MYO3A: variants seen among roughly 807,000 people sequenced by gnomAD.
MYO3A encodes myosin-IIIa.
Under a neutral mutation model 192.7 loss-of-function variants are expected in MYO3A, and 180 were observed. That is an observed-to-expected ratio of 0.93 (90% CI 0.83 to 1.06). The LOEUF is 1.06. Among genes scored for constraint, MYO3A ranks in the 50% least tolerant of loss-of-function variants. The pLI, the probability that MYO3A is intolerant of heterozygous loss-of-function variation, is 0.00. For synonymous variants in MYO3A, 628 were observed against 645.3 expected (o/e 0.97, Z 0.41); for missense variants, 1,896 against 1,905.0 (o/e 1.00, Z 0.09).
At chr10:26,123,383 A>T (rs1034232506) in intron 18 of MYO3A, among the ~76,000 whole-genome samples, 15 of 152,256 alleles carry the variant, frequency 9.9e-5, no homozygotes, top group Non-Finnish European at 1.8e-4. Context: ...GAACATATCA[A>T]TGAAAATATT....
chr10:25,969,870 T>C (rs1388373526), intron 4 of MYO3A, among the ~76,000 whole-genome samples: 4 of 152,120 alleles, frequency 2.6e-5, no homozygotes, highest in Non-Finnish European at 4.4e-5. Flanking sequence ...AGCTGTACAA[T>C]GAAAACATTC....
intron 4 of MYO3A, among the ~76,000 whole-genome samples, chr10:25,992,106 G>A (rs1179001034): frequency 1.3e-5 from 2 of 151,058 alleles, no homozygotes; most frequent in Non-Finnish European, 2.9e-5. Flanking sequence ...ACCTTGGGCA[G>A]TATGGCCATT....
At chr10:26,063,019 A>G (rs1448313293) in intron 10 of MYO3A, among the ~76,000 whole-genome samples, 1 of 152,202 alleles carries the variant, frequency 6.6e-6, no homozygotes, top group East Asian at 1.9e-4. Flanking sequence ...ACATTTTTGG[A>G]CGACTGCTAT....
chr10:25,962,471 C>T (rs7914207), intron 4 of MYO3A, among the ~76,000 whole-genome samples: 12,367 of 152,030 alleles, frequency 0.081, 824 homozygotes, highest in African/African-American at 0.17. Context: ...AGAACATCTA[C>T]GGGGAGTTTT....
chr10:26,122,678 C>T (rs1182572679), intron 18 of MYO3A, among the ~76,000 whole-genome samples: 2 of 152,112 alleles, frequency 1.3e-5, no homozygotes, highest in African/African-American at 4.8e-5. Flanking sequence ...CTCTCTCAGT[C>T]TCCCCCTTTC....
intron 2 of MYO3A, among the ~76,000 whole-genome samples, chr10:25,937,473 A>C (rs890654062): frequency 6.6e-6 from 1 of 152,238 alleles, no homozygotes; most frequent in Non-Finnish European, 1.5e-5. Context: ...ACAGTTCCTC[A>C]TAAAACTCAG....
intron 10 of MYO3A, among the ~76,000 whole-genome samples, chr10:26,037,662 T>C (rs1249214083): frequency 6.6e-6 from 1 of 152,144 alleles, no homozygotes; most frequent in Non-Finnish European, 1.5e-5. Context: ...AAGAACTACC[T>C]GAGACTGGGT....
At chr10:26,172,272 G>A (rs1427662359) in intron 29 of MYO3A, among the ~76,000 whole-genome samples, 1 of 152,210 alleles carries the variant, frequency 6.6e-6, no homozygotes, top group Non-Finnish European at 1.5e-5. Context: ...CCCTGTCAGA[G>A]CCCCTGAACT....
At chr10:26,019,242 TATTTATTTATTTATTTA>T (rs1842153923) in intron 7 of MYO3A, among the ~76,000 whole-genome samples, 128 of 142,264 alleles carry the variant, frequency 9.0e-4, no homozygotes, top group African/African-American at 3.2e-3. Flanking sequence ...TTTATTTATT[TATTTATTTATTTATTTA>T]TTTATTTATT....
chr10:26,171,899 C>T (rs1022132769), intron 29 of MYO3A, among the ~76,000 whole-genome samples: 2 of 152,192 alleles, frequency 1.3e-5, no homozygotes, highest in Admixed American at 6.5e-5. Context: ...CCATTTGCTA[C>T]CACCTTTCTT....
chr10:25,947,920 CA>C (rs1836962255), intron 2 of MYO3A, among the ~76,000 whole-genome samples: 1 of 151,988 alleles, frequency 6.6e-6, no homozygotes, highest in South Asian at 2.1e-4. Flanking sequence ...GTGGAGAAAA[CA>C]AAACATAATT....
chr10:26,016,384 A>G (rs375110719), intron 6 of MYO3A, among the ~76,000 whole-genome samples: 8 of 152,232 alleles, frequency 5.3e-5, no homozygotes, highest in African/African-American at 1.9e-4. Context: ...CTATGTGCAT[A>G]ACACCATATA....
chr10:26,156,385 C>G (rs1289736993), intron 25 of MYO3A, among the ~76,000 whole-genome samples: 2 of 152,188 alleles, frequency 1.3e-5, no homozygotes, highest in Admixed American at 6.5e-5. Flanking sequence ...AAATGTGATC[C>G]TGGTCTTTGA....
chr10:26,073,694 A>G, intron 14 of MYO3A, among the ~76,000 whole-genome samples: 1 of 152,090 alleles, frequency 6.6e-6, no homozygotes, highest in Non-Finnish European at 1.5e-5. Context: ...ATGAAGCTCA[A>G]ATGCATTATG....
intron 25 of MYO3A, among the ~76,000 whole-genome samples, chr10:26,156,168 G>C (rs1296151499): frequency 1.3e-5 from 2 of 152,174 alleles, no homozygotes; most frequent in African/African-American, 4.8e-5. Context: ...AATGAAAAAG[G>C]CTCCAAAGTG....
chr10:26,162,212 G>T (rs186248754), intron 26 of MYO3A, among the ~76,000 whole-genome samples: 104 of 152,278 alleles, frequency 6.8e-4, no homozygotes, highest in African/African-American at 2.5e-3. Flanking sequence ...AGAAGACCGG[G>T]TATTTTTAAT....
intron 10 of MYO3A, among the ~76,000 whole-genome samples, chr10:26,045,125 C>G (rs1360654523): frequency 6.6e-6 from 1 of 152,194 alleles, no homozygotes; most frequent in Non-Finnish European, 1.5e-5. Context: ...GAGTGACTAA[C>G]AGGGTGCCAG....
intron 12 of MYO3A, among the ~76,000 whole-genome samples, chr10:26,069,516 C>T (rs1835062942): frequency 6.6e-6 from 1 of 151,896 alleles, no homozygotes; most frequent in Admixed American, 6.6e-5. Flanking sequence ...AATACTGTTC[C>T]TAATAGTTGT....
chr10:25,963,523 C>A (rs1052749882), intron 4 of MYO3A, among the ~76,000 whole-genome samples: 2 of 152,116 alleles, frequency 1.3e-5, no homozygotes, highest in African/African-American at 2.4e-5. Flanking sequence ...AAAGCCTTTG[C>A]GGACTTGTAT....
Sources: allele counts gnomAD v4.1 joint callset (sites outside exome capture counted in the v4.1 genomes callset), GRCh38; gene constraint gnomAD v4.1.1; transcripts MANE v1.5; gene names NCBI Gene and HGNC (gene_info 2026-07-23, HGNC 2026-07-21).